The following C6 variants were observed in gnomAD, a reference collection of about 807,000 sequenced individuals.
C6 encodes complement component C6.
In C6, 101 loss-of-function variants were observed where a neutral mutation model predicts 112.9. The observed-to-expected ratio is 0.89, with a 90% CI of 0.76 to 1.06. The LOEUF is 1.06. Ranked by LOEUF, C6 falls within the 50% of genes least tolerant of loss-of-function variation. The pLI is 0.00. For missense variants in C6, 1,202 were observed against 1,104.6 expected, an observed-to-expected ratio of 1.09 and a Z score of -1.25; for synonymous variants, 431 against 384.1, an observed-to-expected ratio of 1.12 and a Z score of -1.43.
chr5:41,168,534 CA>C (rs1472769486), intron 9 of C6, among the ~76,000 whole-genome samples: 1 of 152,152 alleles, frequency 6.6e-6, no homozygotes, highest in East Asian at 1.9e-4. Context: ...CAAACAAGGG[CA>C]ATTTTTTAGA....
intron 9 of C6, among the ~76,000 whole-genome samples, chr5:41,171,060 C>T (rs1310998313): frequency 6.6e-6 from 1 of 152,072 alleles, no homozygotes; most frequent in Non-Finnish European, 1.5e-5. Flanking sequence ...ATAAAACAGA[C>T]TACAAGCAGG....
At chr5:41,185,874 C>G (rs1749726089) in intron 6 of C6, among the ~76,000 whole-genome samples, 196 bp downstream of exon 6, 1 of 152,110 alleles carries the variant, frequency 6.6e-6, no homozygotes, top group Admixed American at 6.6e-5. Flanking sequence ...AATTAGTTAC[C>G]TTAGTTTTTT....
chr5:41,148,294 G>T (rs1746037939), intron 17 of C6, among the ~76,000 whole-genome samples: 1 of 152,152 alleles, frequency 6.6e-6, no homozygotes, highest in African/African-American at 2.4e-5. Flanking sequence ...AATAATATAT[G>T]TTGACATGGA....
intron 8 of C6, among the ~76,000 whole-genome samples, chr5:41,174,822 AG>A (rs2150307963): frequency 6.6e-6 from 1 of 152,304 alleles, no homozygotes; most frequent in Non-Finnish European, 1.5e-5. Flanking sequence ...GATGAGGTAA[AG>A]GGAGAGAGAA....
In C6 at chr5:41,161,727, G is replaced by A. The variant is rs767812435; in HGVS notation, c.1424C>T (p.Ser475Leu). The change falls in exon 10 of 18, where the codon TCA becomes TTA. Residue 475 changes from serine to leucine, a missense_variant. By Grantham distance (145) the Ser-to-Leu change is moderately radical (BLOSUM62 -2). Coordinates refer to ENST00000337836, the MANE Select transcript of C6 (RefSeq NM_000065.5). ...AATCACAGCAGGATTTTCCTTCACT[G>A]ATTCTAACCACTCAGAAAATGTCTT... ...EEKTFSEWLESVKENPAVIDF... is the reference protein window; with the variant it reads ...EEKTFSEWLELVKENPAVIDF... The A allele has an allele frequency of 6.2e-7, 1 of 1,613,378 alleles. No individual in the cohort carries two copies. The highest frequency in any genetic ancestry group is 1.3e-5 in the African/African-American group (1 of 74,858).
At chr5:41,242,803 C>A (rs1345142812) in intron 1 of C6, among the ~76,000 whole-genome samples, 1 of 151,104 alleles carries the variant, frequency 6.6e-6, no homozygotes, top group Non-Finnish European at 1.5e-5. Context: ...CAATGGAATA[C>A]TATTGATCCT....
intron 1 of C6, among the ~76,000 whole-genome samples, chr5:41,255,198 TA>T (rs1444881974): frequency 6.6e-6 from 1 of 151,924 alleles, no homozygotes; most frequent in African/African-American, 2.4e-5. Flanking sequence ...CTGTCTCTAC[TA>T]AAAATACAAA....
chr5:41,234,350 G>GTTTTGTTTTTT (rs1740105869), intron 1 of C6, among the ~76,000 whole-genome samples: 1 of 127,804 alleles, frequency 7.8e-6, no homozygotes, highest in African/African-American at 3.4e-5. Context: ...TTTTTTTTTT[G>GTTTTGTTTTTT]TTTTTTGTTT....
In C6 at chr5:41,142,308, G is replaced by T. The variant is rs1294167651; in HGVS notation, c.*517C>A. On this transcript the variant is annotated 3_prime_UTR_variant, in exon 18 of 18. Coordinates refer to ENST00000337836, the MANE Select transcript of C6 (RefSeq NM_000065.5). ...TGAATGTATGCTTCATGAAGGCAAAGGCTTTTGTCTGTTTTATTATCTGCC... is the reference window on the plus strand; with the variant it reads ...TGAATGTATGCTTCATGAAGGCAAATGCTTTTGTCTGTTTTATTATCTGCC... 6.3e-6 allele frequency: 1 copy of T among 159,220 alleles called. No homozygotes were observed. The highest frequency in any genetic ancestry group is 2.4e-5 in the African/African-American group (1 of 41,466). The allele number at this position is 159,220 out of a possible 1,614,324, so 9.9% of individuals were successfully genotyped here. A position where few individuals can be genotyped will look rare whatever the true frequency, so the allele number is the denominator to read the frequency against.
At chr5:41,163,782 G>A (rs1047339295) in intron 9 of C6, among the ~76,000 whole-genome samples, 10 of 152,088 alleles carry the variant, frequency 6.6e-5, no homozygotes, top group Non-Finnish European at 4.4e-5. Context: ...ATAAATTAGT[G>A]ATATATCCTC....
At chr5:41,238,523 G>A (rs1013673820) in intron 1 of C6, among the ~76,000 whole-genome samples, 1 of 152,192 alleles carries the variant, frequency 6.6e-6, no homozygotes, top group African/African-American at 2.4e-5. Flanking sequence ...CACACCAGAA[G>A]CGAAAGTAAT....
chr5:41,184,231 A>T (rs2150329682), intron 6 of C6, among the ~76,000 whole-genome samples: 1 of 152,338 alleles, frequency 6.6e-6, no homozygotes, highest in South Asian at 2.1e-4. Context: ...TGGGTCCAGC[A>T]CATCATTGTC....
intron 17 of C6, among the ~76,000 whole-genome samples, chr5:41,144,551 A>T (rs1384461642): frequency 1.3e-5 from 2 of 152,152 alleles, no homozygotes; most frequent in Non-Finnish European, 2.9e-5. Context: ...ACAGGCGTGG[A>T]CCACAATGTC....
intron 17 of C6, among the ~76,000 whole-genome samples, chr5:41,146,815 G>A (rs998636439): frequency 1.3e-5 from 2 of 151,476 alleles, no homozygotes; most frequent in Admixed American, 6.6e-5. Flanking sequence ...ACAGCAAAGC[G>A]GTAATAGTAA....
At chr5:41,211,512 G>A (rs1751925644) in intron 1 of C6, among the ~76,000 whole-genome samples, 1 of 152,002 alleles carries the variant, frequency 6.6e-6, no homozygotes, top group South Asian at 2.1e-4. Flanking sequence ...GACAATAGTA[G>A]CCAGATAGAA....
intron 13 of C6, among the ~76,000 whole-genome samples, chr5:41,155,854 G>A (rs1042637480): frequency 5.3e-5 from 8 of 151,936 alleles, no homozygotes; most frequent in Non-Finnish European, 1.2e-4. Flanking sequence ...TACTCACCAT[G>A]TAGTGACTAT....
At chr5:41,174,042 T>C (rs969247089) in intron 8 of C6, among the ~76,000 whole-genome samples, 1 of 152,236 alleles carries the variant, frequency 6.6e-6, no homozygotes, top group Non-Finnish European at 1.5e-5. Flanking sequence ...TATTTATAAG[T>C]AATAATTAAA....
rs112318629 is a variant in C6 at position 41,163,340 on chromosome 5, T to A, written c.1292-1481A>T. Among the ~76,000 whole-genome samples the A allele has an allele frequency of 8.8e-3, 1,278 of 145,148 alleles. 25 individuals carry two copies. The highest frequency in any genetic ancestry group is 0.03 in the African/African-American group (1,200 of 39,712). Reference sequence around the variant, plus strand: ...TTTTTTTTTTTTTTTGAGATAGAGGTCTCGCTCTGCCGCCCAGGCTGGAAT... The same window carrying A: ...TTTTTTTTTTTTTTTGAGATAGAGGACTCGCTCTGCCGCCCAGGCTGGAAT... On this transcript the variant is annotated intron_variant, in intron 9 of 17. Coordinates refer to ENST00000337836, the MANE Select transcript of C6 (RefSeq NM_000065.5).
chr5:41,244,451 TG>T (rs1302089119), intron 1 of C6, among the ~76,000 whole-genome samples: 2 of 152,204 alleles, frequency 1.3e-5, no homozygotes, highest in African/African-American at 2.4e-5. Context: ...ACTTCACAAA[TG>T]GTAAAGACTG....
Sources: gnomAD v4.1 joint callset for allele counts (sites outside exome capture counted in the v4.1 genomes callset) on GRCh38, gnomAD v4.1.1 for gene constraint, MANE v1.5 for transcripts, NCBI Gene and HGNC (gene_info 2026-07-23, HGNC 2026-07-21) for gene names.